The following SERPINB9 variants were observed in gnomAD, a reference collection of about 807,000 sequenced individuals.
SERPINB9 encodes the protein serpin B9.
SERPINB9 carries 20 observed loss-of-function variants against 27.2 expected under a neutral mutation model. The ratio of observed to expected loss-of-function variants is 0.74; its 90% confidence interval spans 0.52 to 1.07. The LOEUF (loss-of-function observed/expected upper bound fraction) is 1.07. Among genes scored for constraint, SERPINB9 ranks in the 50% least tolerant of loss-of-function variants. SERPINB9 has a pLI of 0.00. For synonymous variants in SERPINB9, 189 were observed against 180.0 expected (o/e 1.05, Z -0.40); for missense variants, 476 against 460.1 (o/e 1.03, Z -0.32).
chr6:2,898,333 AAATAG>A, intron 2 of SERPINB9, among the ~76,000 whole-genome samples: 1 of 152,238 alleles, frequency 6.6e-6, no homozygotes, highest in Non-Finnish European at 1.5e-5. Flanking sequence ...AAACCCTGTC[AAATAG>A]AACAGAACCA....
At chr6:2,902,429 A>G (rs1351328243) in intron 1 of SERPINB9, among the ~76,000 whole-genome samples, 1 of 152,098 alleles carries the variant, frequency 6.6e-6, no homozygotes, top group African/African-American at 2.4e-5. Context: ...GAATTATTGA[A>G]AGAATTAAGA....
At position 2,890,576 on chromosome 6, in the gene SERPINB9, A is replaced by G; in HGVS notation, c.724-6T>C. 6.2e-7 allele frequency: 1 copy of G among 1,605,052 alleles called. No homozygotes were observed. Among genetic ancestry groups the G allele is most frequent in the Non-Finnish European group, 8.5e-7 (1 of 1,173,350 alleles). ...AAAGTGAGACTTTTTTCCACCTGAA[A>G]GACCAGAATTAGACTTTAAGATTCC... On this transcript the variant is annotated splice_region_variant and splice_polypyrimidine_tract_variant and intron_variant, in intron 6 of 6. Transcript: ENST00000380698. This position sits in a 1 kb window ranked among gnomAD's most constrained non-coding sequence, Gnocchi z 6.2.
intron 5 of SERPINB9, among the ~76,000 whole-genome samples, chr6:2,892,862 C>G (rs1767856526): frequency 6.6e-6 from 1 of 151,882 alleles, no homozygotes; most frequent in African/African-American, 2.4e-5. Flanking sequence ...AATGTCAAAA[C>G]TAAGGTCTTT....
intron 1 of SERPINB9, among the ~76,000 whole-genome samples, chr6:2,900,885 TCA>T (rs5742054): frequency 7.8e-5 from 11 of 141,424 alleles, no homozygotes; most frequent in Non-Finnish European, 1.4e-4. Context: ...GCTCGCTCTC[TCA>T]CACACACACA....
chr6:2,900,879 G>GCTCT (rs149162495), intron 1 of SERPINB9, among the ~76,000 whole-genome samples: 3,472 of 140,142 alleles, frequency 0.025, 58 homozygotes, highest in Non-Finnish European at 0.034. Context: ...TGCAGAGCTC[G>GCTCT]CTCTCTCACA....
rs1444605771 is a variant in SERPINB9, at chr6:2,890,704, G to A, written c.724-134C>T. 6 of 821,100 alleles carry A rather than the reference G, an allele frequency of 7.3e-6. No individual in the cohort carries two copies. In the East Asian group the frequency reaches 1.5e-4, roughly 21 times the overall value. The allele number at this position is 821,100 out of a possible 1,614,324, so 50.9% of individuals were successfully genotyped here. On this transcript the variant is annotated intron_variant, in intron 6 of 6. Coordinates refer to ENST00000380698, the MANE Select transcript of SERPINB9 (RefSeq NM_004155.6). The surrounding 1 kb of genome is among the most constrained non-coding windows in gnomAD (Gnocchi z 6.2). Reference sequence around the variant, plus strand: ...CATAGGATCAGTGGCCCCTTCATCTGCCAGAAGCTTGTGAGCACTCTTACT... The same window carrying A: ...CATAGGATCAGTGGCCCCTTCATCTACCAGAAGCTTGTGAGCACTCTTACT...
At chr6:2,900,370 A>G (rs1768155466) in intron 2 of SERPINB9, 74 bp downstream of exon 2, 1 of 1,547,910 alleles carries the variant, frequency 6.5e-7, no homozygotes, top group Non-Finnish European at 8.8e-7. Context: ...GTGGCTCTGG[A>G]GTGTGAGTGT....
Position 2,893,414 on chromosome 6 carries a change from G to A in SERPINB9, c.564C>T (p.Asn188=). 2 of 1,600,000 alleles carry A rather than the reference G, an allele frequency of 1.3e-6. No individual in the cohort carries two copies. Among genetic ancestry groups the A allele is most frequent in the South Asian group, 1.1e-5 (1 of 88,664 alleles). Residue 188 remains asparagine, a synonymous_variant, in exon 5 of 7, where the codon AAC becomes AAT. Coordinates refer to ENST00000380698, the MANE Select transcript of SERPINB9 (RefSeq NM_004155.6). ...TYTREMPFKI[N]QEEQRPVQMM... ...GATTTTAAAAAGCTTCCCCCACCTG[G>A]TTTATTTTAAAGGGCATTTCCCTTG...
rs765639427 is a variant in SERPINB9, at chr6:2,887,386, CAT to C, written c.*2775_*2776del. ...GGATAATATCTTTAATAGGCAAAGA[CAT>C]ATGTAAAAACGAAGCAGAAAAGTAG... On this transcript the variant is annotated 3_prime_UTR_variant, in exon 7 of 7. Transcript: ENST00000380698. 2 of 152,026 alleles carry C rather than the reference CAT, an allele frequency of 1.3e-5. No homozygotes were observed. Among genetic ancestry groups the C allele is most frequent in the African/African-American group, 2.4e-5 (1 of 41,392 alleles). 9.4% of individuals were successfully genotyped at this position (152,026 alleles called of 1,614,324 possible).
At chr6:2,898,260 A>G (rs1401089048) in intron 2 of SERPINB9, among the ~76,000 whole-genome samples, 1 of 152,110 alleles carries the variant, frequency 6.6e-6, no homozygotes, top group Non-Finnish European at 1.5e-5. Context: ...ACACTGTTCT[A>G]TAACATAGAA....
rs781697550 is a variant in SERPINB9, at chr6:2,890,181, G to A, written c.1113C>T (p.Gly371=). 5.6e-6 allele frequency: 9 copies of A among 1,613,558 alleles called. No individual in the cohort carries two copies. The highest frequency in any genetic ancestry group is 2.2e-5 in the East Asian group (1 of 44,880). Residue 371 remains glycine, a synonymous_variant, in exon 7 of 7, where the codon GGC becomes GGT. Transcript: ENST00000380698. This position sits in a 1 kb window ranked among gnomAD's most constrained non-coding sequence, Gnocchi z 6.2. ...GCACCCTTTATGGCGATGAGAACCTGCCACAGAACAGAATGCTGTTGGCTC... is the reference window on the plus strand; with the variant it reads ...GCACCCTTTATGGCGATGAGAACCTACCACAGAACAGAATGCTGTTGGCTC... ...HNRANSILFC[G]RFSSP is the part of the protein sequence containing the mutation.
rs371844188 is a variant in SERPINB9, at chr6:2,889,523, G to C, written c.*640C>G. On this transcript the variant is annotated 3_prime_UTR_variant, in exon 7 of 7. Coordinates refer to ENST00000380698, the MANE Select transcript of SERPINB9 (RefSeq NM_004155.6). ...ATCCTGGCTAACACGGTGAAACCCC[G>C]TCTCTACTAAAAATACAAAAAATTA... is the stretch of plus-strand genomic sequence containing the variant. The C allele has an allele frequency of 2.0e-5, 3 of 151,434 alleles. No individual in the cohort carries two copies. Among genetic ancestry groups the C allele is most frequent in the African/African-American group, 4.9e-5 (2 of 40,964 alleles). 9.4% of individuals were successfully genotyped at this position (151,434 alleles called of 1,614,324 possible).
chr6:2,897,295 GTC>G (rs1768033484), intron 2 of SERPINB9, among the ~76,000 whole-genome samples: 1 of 152,054 alleles, frequency 6.6e-6, no homozygotes. Context: ...GCGAAATCCT[GTC>G]TCTACTAAAA....
rs139132983 is a variant in SERPINB9, at chr6:2,899,411, A to G, written c.168+1033T>C. On this transcript the variant is annotated intron_variant, in intron 2 of 6. Transcript: ENST00000380698. ...GCCTTACACAACAAAATACTTGTGC[A>G]AGGACATCTACCCAGGAACTCCCCA... Among the ~76,000 whole-genome samples, 818 of 152,344 alleles carry G rather than the reference A, an allele frequency of 5.4e-3. 6 individuals carry two copies. Among genetic ancestry groups the G allele is most frequent in the African/African-American group, 0.019 (771 of 41,572 alleles).
Position 2,887,978 on chromosome 6 carries a change from C to A in SERPINB9, c.*2185G>T, listed in dbSNP as rs1158637599. 3 of 151,812 alleles carry A rather than the reference C, an allele frequency of 2.0e-5. No homozygotes were observed. Among genetic ancestry groups the A allele is most frequent in the Non-Finnish European group, 4.4e-5 (3 of 67,978 alleles). The allele number at this position is 151,812 out of a possible 1,614,324, so 9.4% of individuals were successfully genotyped here. A position where few individuals can be genotyped will look rare whatever the true frequency, so the allele number is the denominator to read the frequency against. Reference sequence around the variant, plus strand: ...TAAAGCTTTTTAACAAACTGTCACTCGTGTTCTAAAAACAAACAAATGTCT... The same window carrying A: ...TAAAGCTTTTTAACAAACTGTCACTAGTGTTCTAAAAACAAACAAATGTCT... On this transcript the variant is annotated 3_prime_UTR_variant, in exon 7 of 7. Coordinates refer to ENST00000380698, the MANE Select transcript of SERPINB9 (RefSeq NM_004155.6).
Position 2,889,913 on chromosome 6 carries a change from C to T in SERPINB9, c.*250G>A, listed in dbSNP as rs1029567349. ...TTCTAGAAGAACTTTGCTTGCCATCCTATGGGATTTGGACTGCAATTTTAA... is the reference window on the plus strand; with the variant it reads ...TTCTAGAAGAACTTTGCTTGCCATCTTATGGGATTTGGACTGCAATTTTAA... On this transcript the variant is annotated 3_prime_UTR_variant, in exon 7 of 7. Coordinates refer to ENST00000380698, the MANE Select transcript of SERPINB9 (RefSeq NM_004155.6). 2.6e-6 allele frequency: 1 copy of T among 387,170 alleles called. No individual in the cohort carries two copies. Among genetic ancestry groups the T allele is most frequent in the Non-Finnish European group, 4.7e-6 (1 of 214,760 alleles). 24.0% of individuals were successfully genotyped at this position (387,170 alleles called of 1,614,324 possible).
rs1161502548 is a variant in SERPINB9, at chr6:2,893,670, G to A, written c.425-117C>T. The A allele has an allele frequency of 3.5e-6, 3 of 857,650 alleles. No homozygotes were observed. The African/African-American group carries it at 5.1e-5, about 15-fold the overall frequency. The allele number at this position is 857,650 out of a possible 1,614,324, so 53.1% of individuals were successfully genotyped here. The stretch of plus-strand genomic sequence containing the variant: ...CTGTTTTCAACTTTGCTGAGTTTGG[G>A]TTGTTATGTAGAGAAATAAAAACAG... On this transcript the variant is annotated intron_variant, in intron 4 of 6. Coordinates refer to ENST00000380698, the MANE Select transcript of SERPINB9 (RefSeq NM_004155.6).
At chr6:2,893,105 G>T (rs754297084) in intron 5 of SERPINB9, among the ~76,000 whole-genome samples, 3 of 114,342 alleles carry the variant, frequency 2.6e-5, no homozygotes, top group Non-Finnish European at 5.3e-5. Context: ...CTTATAGGAA[G>T]ATCTTTAGTT....
At chr6:2,900,418 T>C (rs1768157268) in intron 2 of SERPINB9, 26 bp downstream of exon 2, 2 of 1,611,858 alleles carry the variant, frequency 1.2e-6, no homozygotes, top group Non-Finnish European at 1.7e-6. Context: ...GGCCAGTCCC[T>C]GCTCCTGGCG....
Sources: gnomAD v4.1 joint callset for allele counts (sites outside exome capture counted in the v4.1 genomes callset) on GRCh38, gnomAD v4.1.1 for gene constraint, Gnocchi (gnomAD v3.1) non-coding constraint, MANE v1.5 for transcripts, NCBI Gene and HGNC (gene_info 2026-07-23, HGNC 2026-07-21) for gene names.